Variants in ROBO2 observed in about 807,000 individuals in gnomAD.
ROBO2 encodes roundabout homolog 2.
A neutral mutation model predicts 160.8 loss-of-function variants in ROBO2; 53 were observed. The observed-to-expected ratio is 0.33, with a 90% CI of 0.26 to 0.41. The LOEUF (loss-of-function observed/expected upper bound fraction) is 0.41. Ranked by LOEUF, ROBO2 falls within the 10% of genes least tolerant of loss-of-function variation. The pLI, the probability that ROBO2 is intolerant of heterozygous loss-of-function variation, is 1.00. For missense variants in ROBO2, 1,577 were observed against 1,722.4 expected (o/e 0.92, Z 1.49); for synonymous variants, 664 against 611.7 (o/e 1.09, Z -1.26).
At chr3:77,440,111 A>T (rs2079759061) in intron 2 of ROBO2, among the ~76,000 whole-genome samples, 1 of 152,188 alleles carries the variant, frequency 6.6e-6, no homozygotes, top group African/African-American at 2.4e-5. Context: ...GTTTTCATTT[A>T]TGTCAGTCTA....
At chr3:76,603,399 T>C (rs1578463016) in intron 2 of ROBO2, among the ~76,000 whole-genome samples, 2 of 133,814 alleles carry the variant, frequency 1.5e-5, no homozygotes, top group Non-Finnish European at 3.1e-5. Flanking sequence ...AGTAGAAATA[T>C]GGACATTTCT....
At chr3:76,539,872 T>G (rs563829163) in intron 2 of ROBO2, among the ~76,000 whole-genome samples, 1 of 152,334 alleles carries the variant, frequency 6.6e-6, no homozygotes, top group South Asian at 2.1e-4. Context: ...ACATTTGGTC[T>G]AAGACATTCA....
At chr3:76,388,426 C>T (rs2076996659) in intron 2 of ROBO2, among the ~76,000 whole-genome samples, 3 of 152,074 alleles carry the variant, frequency 2.0e-5, no homozygotes, top group Admixed American at 6.6e-5. Context: ...CACCCGCCGC[C>T]ACGCCCGGCT....
intron 24 of ROBO2, chr3:77,642,681 A>G (rs1303419581): frequency 2.2e-6 from 1 of 455,798 alleles, no homozygotes; most frequent in East Asian, 7.0e-5. Flanking sequence ...ATCTTCCACC[A>G]CCACCAGATC....
chr3:76,282,408 AC>A (rs1343091601), intron 2 of ROBO2, among the ~76,000 whole-genome samples: 2 of 152,046 alleles, frequency 1.3e-5, no homozygotes, highest in East Asian at 3.9e-4. Context: ...AATCATACTA[AC>A]CTTGTCACAA....
intron 2 of ROBO2, among the ~76,000 whole-genome samples, chr3:76,419,358 G>A (rs1245573420): frequency 1.3e-5 from 2 of 152,220 alleles, no homozygotes; most frequent in East Asian, 1.9e-4. Context: ...ATAGGCGTAA[G>A]CTGTGTAATT....
intron 24 of ROBO2, among the ~76,000 whole-genome samples, chr3:77,644,160 A>G (rs1559793661): frequency 3.3e-5 from 5 of 152,066 alleles, no homozygotes; most frequent in Admixed American, 3.3e-4. Flanking sequence ...TAAATGTGTG[A>G]GTTTCTCTTT....
intron 2 of ROBO2, among the ~76,000 whole-genome samples, chr3:77,321,627 A>G (rs2064710502): frequency 6.6e-6 from 1 of 152,170 alleles, no homozygotes; most frequent in Non-Finnish European, 1.5e-5. Context: ...TTTAAAGGGC[A>G]CTAGAGATTA....
intron 6 of ROBO2, among the ~76,000 whole-genome samples, chr3:77,542,588 T>C (rs975099643): frequency 6.6e-6 from 1 of 152,200 alleles, no homozygotes; most frequent in South Asian, 2.1e-4. Context: ...TAGTGGTCTT[T>C]AAAATAATCC....
At chr3:77,424,738 T>C (rs2078020043) in intron 2 of ROBO2, among the ~76,000 whole-genome samples, 3 of 152,178 alleles carry the variant, frequency 2.0e-5, no homozygotes, top group African/African-American at 7.2e-5. Flanking sequence ...TTCTTTTTTG[T>C]ATATGAACAC....
intron 2 of ROBO2, among the ~76,000 whole-genome samples, chr3:76,851,693 C>T (rs2069379424): frequency 7.2e-6 from 1 of 138,672 alleles, no homozygotes; most frequent in Non-Finnish European, 1.5e-5. Flanking sequence ...CGAGATTGCG[C>T]CACTGCAGTC....
chr3:76,152,968 G>T (rs372721954), intron 2 of ROBO2, among the ~76,000 whole-genome samples: 1 of 152,156 alleles, frequency 6.6e-6, no homozygotes, highest in Non-Finnish European at 1.5e-5. Context: ...AAATAGAACA[G>T]CTGCTATTAA....
intron 2 of ROBO2, among the ~76,000 whole-genome samples, chr3:76,067,272 T>C (rs1307924771): frequency 6.6e-6 from 1 of 152,200 alleles, no homozygotes; most frequent in Admixed American, 6.5e-5. Flanking sequence ...TGTTGTATGA[T>C]TAATTATTGT....
intron 2 of ROBO2, among the ~76,000 whole-genome samples, chr3:76,757,761 C>G (rs759015349): frequency 4.6e-5 from 7 of 151,518 alleles, no homozygotes; most frequent in Non-Finnish European, 8.8e-5. Flanking sequence ...TAATACTCCT[C>G]CAGAGAGATT....
intron 2 of ROBO2, among the ~76,000 whole-genome samples, chr3:76,905,798 A>AT (rs562658988): frequency 6.6e-6 from 1 of 152,298 alleles, no homozygotes; most frequent in East Asian, 1.9e-4. Context: ...GCCATCATTT[A>AT]TGAGTGCGGA....
chr3:76,015,488 T>G (rs1350796601), intron 2 of ROBO2, among the ~76,000 whole-genome samples: 1 of 152,154 alleles, frequency 6.6e-6, no homozygotes, highest in African/African-American at 2.4e-5. Context: ...ACTTTTAAAC[T>G]AAAAATTTTG....
intron 2 of ROBO2, among the ~76,000 whole-genome samples, chr3:76,865,776 C>T (rs1248033567): frequency 6.6e-6 from 1 of 151,956 alleles, no homozygotes; most frequent in Non-Finnish European, 1.5e-5. Context: ...CCTCTTCTAC[C>T]CACCAAAATT....
At chr3:76,979,608 G>A (rs2059991315) in intron 2 of ROBO2, among the ~76,000 whole-genome samples, 1 of 151,832 alleles carries the variant, frequency 6.6e-6, no homozygotes, top group South Asian at 2.1e-4. Context: ...GTGTGTGTGT[G>A]TGTGTGCGCA....
intron 8 of ROBO2, among the ~76,000 whole-genome samples, chr3:77,556,341 G>A (rs1242631034): frequency 6.6e-6 from 1 of 151,802 alleles, no homozygotes; most frequent in Middle Eastern, 3.2e-3. Flanking sequence ...GATGAAAAAA[G>A]CAGTGAAATA....
Sources: gnomAD v4.1 joint callset for allele counts (sites outside exome capture counted in the v4.1 genomes callset) on GRCh38, gnomAD v4.1.1 for gene constraint, MANE v1.5 for transcripts, NCBI Gene and HGNC (gene_info 2026-07-23, HGNC 2026-07-21) for gene names.